The following GRID2 variants were observed in gnomAD, a reference collection of about 807,000 sequenced individuals.
GRID2 encodes glutamate ionotropic receptor delta type subunit 2.
GRID2 carries 33 observed loss-of-function variants against 114.8 expected under a neutral mutation model. The observed-to-expected ratio is 0.29, with a 90% CI of 0.22 to 0.38. The LOEUF is 0.38. Among genes scored for constraint, GRID2 ranks in the 10% least tolerant of loss-of-function variants. GRID2 has a pLI of 1.00. For synonymous variants in GRID2, 505 were observed against 449.9 expected, an observed-to-expected ratio of 1.12 and a Z score of -1.55; for missense variants, 1,184 against 1,257.7, an observed-to-expected ratio of 0.94 and a Z score of 0.89.
intron 2 of GRID2, among the ~76,000 whole-genome samples, chr4:92,646,159 GT>G (rs1476296421): frequency 8.3e-5 from 1 of 12,104 alleles, no homozygotes; most frequent in Non-Finnish European, 2.9e-4. Flanking sequence ...TCTCATTGAA[GT>G]TTTAACTTGC....
rs189862672 is a variant in GRID2 at position 92,954,170 on chromosome 4, A to G, written c.245-130825A>G. ...TCAAATATAGATATATCAATATATA[A>G]ATATGAAAAAAGCATACTATGTGTG... On this transcript the variant is annotated intron_variant, in intron 2 of 15. Transcript: ENST00000282020. Among the ~76,000 whole-genome samples the G allele has an allele frequency of 2.0e-5, 3 of 152,274 alleles. No individual in the cohort carries two copies. The East Asian group carries it at 5.8e-4, about 29-fold the overall frequency.
chr4:92,656,186 T>C (rs1451184397), intron 2 of GRID2, among the ~76,000 whole-genome samples: 2 of 151,828 alleles, frequency 1.3e-5, no homozygotes, highest in Non-Finnish European at 2.9e-5. Flanking sequence ...TATCTGTACA[T>C]CCTCACACTG....
At chr4:93,595,709 A>G (rs1244635036) in intron 13 of GRID2, among the ~76,000 whole-genome samples, 1 of 152,172 alleles carries the variant, frequency 6.6e-6, no homozygotes, top group Non-Finnish European at 1.5e-5. Flanking sequence ...AACTTTCCAC[A>G]ATTCTTCCTG....
chr4:92,936,336 A>T (rs867139644), intron 2 of GRID2, among the ~76,000 whole-genome samples: 2 of 146,422 alleles, frequency 1.4e-5, no homozygotes, highest in Non-Finnish European at 3.0e-5. Context: ...AATTACACTA[A>T]GGCATTATCT....
At chr4:93,291,689 C>T (rs1753774537) in intron 8 of GRID2, among the ~76,000 whole-genome samples, 1 of 152,106 alleles carries the variant, frequency 6.6e-6, no homozygotes, top group South Asian at 2.1e-4. Flanking sequence ...GTGACAAACT[C>T]ATAGATTTTG....
chr4:93,254,804 T>C (rs7686127), intron 8 of GRID2, among the ~76,000 whole-genome samples: 108,245 of 151,992 alleles, frequency 0.71, 39,386 homozygotes, highest in Middle Eastern at 0.86. Flanking sequence ...TATACTTTTT[T>C]CTTCCAAGGC....
chr4:93,307,341 T>C (rs970052208), intron 8 of GRID2, among the ~76,000 whole-genome samples: 9 of 152,202 alleles, frequency 5.9e-5, no homozygotes, highest in African/African-American at 2.2e-4. Flanking sequence ...TTAAATGCTC[T>C]TTTTTAATCT....
In GRID2 at chr4:92,600,847, T is replaced by A. The variant is rs181133873; in HGVS notation, c.244+10561T>A. ...GTATCTGGTGACCCCTGTTGGAGAG[T>A]CTCACCCAGTCAGGAGGCATAAGAT... On this transcript the variant is annotated intron_variant, in intron 2 of 15. Transcript: ENST00000282020. Among the ~76,000 whole-genome samples the A allele has an allele frequency of 1.6e-3, 240 of 152,120 alleles. 3 individuals are homozygous for A. The Middle Eastern group carries it at 0.054, about 34-fold the overall frequency.
chr4:92,994,764 A>G (rs1265111038), intron 2 of GRID2, among the ~76,000 whole-genome samples: 1 of 152,170 alleles, frequency 6.6e-6, no homozygotes, highest in African/African-American at 2.4e-5. Context: ...GGCAAACACC[A>G]CACAGTCTTT....
intron 4 of GRID2, among the ~76,000 whole-genome samples, chr4:93,123,435 C>G (rs1351843834): frequency 2.0e-5 from 3 of 152,146 alleles, no homozygotes; most frequent in Non-Finnish European, 2.9e-5. Flanking sequence ...AAATCCTTCT[C>G]TAATCCATTT....
At chr4:93,462,165 T>G (rs1483227747) in intron 11 of GRID2, among the ~76,000 whole-genome samples, 1 of 152,178 alleles carries the variant, frequency 6.6e-6, no homozygotes, top group East Asian at 1.9e-4. Context: ...GGAATAACTC[T>G]TAACTAGGGT....
At chr4:92,439,058 C>G (rs900097244) in intron 1 of GRID2, among the ~76,000 whole-genome samples, 1 of 151,030 alleles carries the variant, frequency 6.6e-6, no homozygotes, top group Non-Finnish European at 1.5e-5. Context: ...AGAGAGTCAG[C>G]GAAGGGAGAT....
At chr4:93,523,122 G>A (rs1054997488) in intron 13 of GRID2, among the ~76,000 whole-genome samples, 2 of 152,020 alleles carry the variant, frequency 1.3e-5, no homozygotes, top group Non-Finnish European at 2.9e-5. Flanking sequence ...TGGTTTGAGG[G>A]GCAAAGAGGA....
chr4:92,581,873 G>A (rs939892177), intron 1 of GRID2, among the ~76,000 whole-genome samples: 3 of 151,976 alleles, frequency 2.0e-5, no homozygotes, highest in African/African-American at 4.8e-5. Context: ...AAATATCTGC[G>A]TGGAATTTTC....
At chr4:92,494,265 T>G (rs1723284043) in intron 1 of GRID2, among the ~76,000 whole-genome samples, 1 of 151,968 alleles carries the variant, frequency 6.6e-6, no homozygotes, top group Admixed American at 6.6e-5. Flanking sequence ...ATTTATAAAT[T>G]TAATGGATTC....
rs1252142230 is a variant in GRID2 at position 93,216,798 on chromosome 4, A to G, written c.850A>G (p.Ile284Val). The G allele has an allele frequency of 6.2e-7, 1 of 1,612,646 alleles. No homozygotes were observed. Among genetic ancestry groups the G allele is most frequent in the Non-Finnish European group, 8.5e-7 (1 of 1,178,824 alleles). Residue 284 changes from isoleucine (I) to valine (V), a missense_variant, in exon 6 of 16, where the codon ATT (isoleucine) becomes GTT (valine). By Grantham distance (29) the Ile-to-Val change is conservative. Around this residue, in one of 3 missense-constraint regions of GRID2, gnomAD observed 455 missense variants for 429.5 expected, o/e 1.06. Transcript: ENST00000282020. ...VRRSIGRLTI[I>V]RQTFPVPQNI... ...AAGGTCAATTGGAAGGTTAACGATTATTCGGCAGACATTTCCAGTTCCCCA... is the reference window on the plus strand; with the variant it reads ...AAGGTCAATTGGAAGGTTAACGATTGTTCGGCAGACATTTCCAGTTCCCCA...
At chr4:93,559,807 T>G (rs931380195) in intron 13 of GRID2, among the ~76,000 whole-genome samples, 2 of 152,216 alleles carry the variant, frequency 1.3e-5, no homozygotes, top group African/African-American at 4.8e-5. Context: ...CTATTCACAG[T>G]AGCAATGACT....
intron 2 of GRID2, among the ~76,000 whole-genome samples, chr4:92,624,072 A>T (rs1385656112): frequency 5.9e-5 from 9 of 151,898 alleles, no homozygotes; most frequent in Non-Finnish European, 1.3e-4. Flanking sequence ...TCAATAAGGT[A>T]GCACAGCAGC....
chr4:92,758,551 G>T (rs147397243), intron 2 of GRID2, among the ~76,000 whole-genome samples: 10 of 152,114 alleles, frequency 6.6e-5, no homozygotes, highest in African/African-American at 2.4e-4. Flanking sequence ...GTACTCAATG[G>T]GGATAATATA....
Sources: allele counts gnomAD v4.1 joint callset (sites outside exome capture counted in the v4.1 genomes callset), GRCh38; gene constraint gnomAD v4.1.1; regional missense constraint gnomAD v4.1.1; transcripts MANE v1.5; gene names NCBI Gene and HGNC (gene_info 2026-07-23, HGNC 2026-07-21).